The following FANCC variants were observed in gnomAD, a reference collection of about 807,000 sequenced individuals.
FANCC encodes FA complementation group C.
FANCC carries 55 observed loss-of-function variants against 71.3 expected under a neutral mutation model. The ratio of observed to expected loss-of-function variants is 0.77; its 90% CI spans 0.62 to 0.97. The LOEUF is 0.97. FANCC is among the 50% of genes least tolerant of loss of function. FANCC has a pLI of 0.00. For synonymous variants in FANCC, 275 were observed against 244.9 expected (o/e 1.12, Z -1.15); for missense variants, 678 against 670.9 (o/e 1.01, Z -0.12).
chr9:95,253,089 C>G (rs897777603), intron 1 of FANCC, among the ~76,000 whole-genome samples: 1 of 152,034 alleles, frequency 6.6e-6, no homozygotes, highest in African/African-American at 2.4e-5. Context: ...AAACAACCTT[C>G]GCTCAGCAAT....
intron 1 of FANCC, among the ~76,000 whole-genome samples, chr9:95,304,524 C>T (rs988291191): frequency 1.3e-5 from 2 of 151,072 alleles, no homozygotes; most frequent in Non-Finnish European, 2.9e-5. Flanking sequence ...GGGAGGAGAT[C>T]ATTTGAGCCC....
chr9:95,232,523 C>T (rs1345430409), intron 4 of FANCC, among the ~76,000 whole-genome samples: 1 of 152,164 alleles, frequency 6.6e-6, no homozygotes, highest in Non-Finnish European at 1.5e-5. Context: ...TTATTAAATT[C>T]ACTATTTATT....
chr9:95,116,152 A>G (rs1320104819), intron 11 of FANCC, among the ~76,000 whole-genome samples: 3 of 152,250 alleles, frequency 2.0e-5, no homozygotes, highest in Admixed American at 6.5e-5. Flanking sequence ...TTTATTTACT[A>G]TTTCCAAACT....
intron 1 of FANCC, among the ~76,000 whole-genome samples, chr9:95,284,070 C>T (rs1323426935): frequency 1.3e-5 from 2 of 152,230 alleles, no homozygotes; most frequent in African/African-American, 2.4e-5. Context: ...CAGTTATTAT[C>T]ATTAGTTATT....
intron 4 of FANCC, among the ~76,000 whole-genome samples, chr9:95,218,853 T>C (rs191773990): frequency 1.2e-4 from 19 of 152,288 alleles, no homozygotes; most frequent in Admixed American, 7.8e-4. Flanking sequence ...CTGATTAAAA[T>C]GGTTTTGTGG....
intron 1 of FANCC, among the ~76,000 whole-genome samples, chr9:95,252,279 AAAAAAAAAAAAAAAAG>A (rs973770703): frequency 6.9e-6 from 1 of 145,772 alleles, no homozygotes; most frequent in African/African-American, 2.7e-5. Flanking sequence ...TGATTCAAAA[AAAAAAAAAAAAAAAAG>A]AAAAAAAAAA....
At chr9:95,206,715 A>G (rs2135842088) in intron 4 of FANCC, among the ~76,000 whole-genome samples, 1 of 152,340 alleles carries the variant, frequency 6.6e-6, no homozygotes, top group Middle Eastern at 3.4e-3. Flanking sequence ...CAAGGGAACA[A>G]TAAAATTCAC....
intron 4 of FANCC, among the ~76,000 whole-genome samples, chr9:95,174,954 T>G (rs547988136): frequency 1.3e-5 from 2 of 152,280 alleles, no homozygotes; most frequent in South Asian, 4.1e-4. Context: ...CAAAATATTA[T>G]GTCAAATTCC....
rs1300278134 is a variant in FANCC at position 95,167,633 on chromosome 9, T to A, written c.521+3446A>T. On this transcript the variant is annotated intron_variant, in intron 6 of 14. Coordinates refer to ENST00000289081, the MANE Select transcript of FANCC (RefSeq NM_000136.3). ...TTTTCAATTCACTTATTGTGGTTCT[T>A]TAGCTCCAGAATATCTGTTTGGTTC... Among the ~76,000 whole-genome samples, 5 of 152,328 alleles carry A rather than the reference T, an allele frequency of 3.3e-5. No homozygotes were observed. The East Asian group carries it at 9.6e-4, about 29-fold the overall frequency.
chr9:95,215,004 A>T (rs528962421), intron 4 of FANCC, among the ~76,000 whole-genome samples: 1 of 152,212 alleles, frequency 6.6e-6, no homozygotes, highest in Non-Finnish European at 1.5e-5. Flanking sequence ...TATGCATTTT[A>T]CCACAAAAAT....
intron 6 of FANCC, among the ~76,000 whole-genome samples, chr9:95,159,911 T>G (rs972914818): frequency 2.4e-4 from 36 of 152,348 alleles, no homozygotes; most frequent in African/African-American, 8.7e-4. Flanking sequence ...AAGTTCTTTG[T>G]AGATTCTGGA....
Position 95,100,893 on chromosome 9 carries a change from G to A in FANCC, c.*814C>T. On this transcript the variant is annotated 3_prime_UTR_variant, in exon 15 of 15. Coordinates refer to ENST00000289081, the MANE Select transcript of FANCC (RefSeq NM_000136.3). ...AATCCCCCTGCCTTGGCCTCCCAAA[G>A]TGCTGGGATCACAGGTGTGAGCCAC... 4.3e-6 allele frequency: 1 copy of A among 232,656 alleles called. No individual in the cohort carries two copies. The highest frequency in any genetic ancestry group is 1.3e-3 in the Middle Eastern group (1 of 776). 14.4% of individuals were successfully genotyped at this position (232,656 alleles called of 1,614,324 possible). A position where few individuals can be genotyped will look rare whatever the true frequency, so the allele number is the denominator to read the frequency against.
At chr9:95,173,922 AT>A (rs1825849295) in intron 4 of FANCC, among the ~76,000 whole-genome samples, 1 of 152,226 alleles carries the variant, frequency 6.6e-6, no homozygotes, top group African/African-American at 2.4e-5. Context: ...TTTATGAATA[AT>A]TTTAATAGTA....
chr9:95,225,363 A>G (rs184790152), intron 4 of FANCC, among the ~76,000 whole-genome samples: 14 of 152,302 alleles, frequency 9.2e-5, no homozygotes, highest in Admixed American at 2.6e-4. Context: ...AAATACAGTG[A>G]GCTTATGTCT....
intron 9 of FANCC, among the ~76,000 whole-genome samples, chr9:95,125,806 G>A (rs1224953123): frequency 6.6e-6 from 1 of 152,190 alleles, no homozygotes. Context: ...GTGTTAGGTG[G>A]GAGGGGCTAG....
intron 4 of FANCC, among the ~76,000 whole-genome samples, chr9:95,230,736 G>A (rs185393692): frequency 7.2e-5 from 11 of 152,306 alleles, no homozygotes; most frequent in African/African-American, 2.4e-4. Context: ...AGCTTCCACA[G>A]TGTGGAAGGC....
chr9:95,274,665 T>G (rs1210868345), intron 1 of FANCC, among the ~76,000 whole-genome samples: 1 of 152,188 alleles, frequency 6.6e-6, no homozygotes, highest in Admixed American at 6.5e-5. Context: ...AAGGAACCAT[T>G]TTTAAATTTC....
intron 1 of FANCC, among the ~76,000 whole-genome samples, chr9:95,306,670 A>G (rs1375424827): frequency 2.0e-5 from 3 of 152,234 alleles, no homozygotes; most frequent in Non-Finnish European, 4.4e-5. Context: ...TTGGGTAACC[A>G]GAAATACCCG....
intron 6 of FANCC, among the ~76,000 whole-genome samples, chr9:95,152,990 G>A (rs958015510): frequency 1.3e-5 from 2 of 152,104 alleles, no homozygotes; most frequent in South Asian, 2.1e-4. Context: ...GATTTGTGTT[G>A]GGCAGCATTC....
Sources: gnomAD v4.1 joint callset for allele counts (sites outside exome capture counted in the v4.1 genomes callset) on GRCh38, gnomAD v4.1.1 for gene constraint, MANE v1.5 for transcripts, NCBI Gene and HGNC (gene_info 2026-07-23, HGNC 2026-07-21) for gene names.